ANKRD12: variants seen among roughly 807,000 people sequenced by gnomAD.
The protein encoded by ANKRD12 is ankyrin repeat domain 12.
In ANKRD12, 85 loss-of-function variants were observed where a neutral mutation model predicts 183.4. That is an observed-to-expected ratio of 0.46 (90% CI 0.39 to 0.56). The LOEUF (loss-of-function observed/expected upper bound fraction) is 0.56, where lower values mean the gene tolerates loss of function less well. Ranked by LOEUF, ANKRD12 falls within the 20% of genes least tolerant of loss-of-function variation. The pLI is 0.00. For synonymous variants in ANKRD12, 914 were observed against 800.2 expected (o/e 1.14, Z -2.40); for missense variants, 2,405 against 2,357.1 (o/e 1.02, Z -0.42).
chr18:9,203,641 G>C (rs2035311124), intron 3 of ANKRD12, among the ~76,000 whole-genome samples: 1 of 151,984 alleles, frequency 6.6e-6, no homozygotes. Context: ...GTCTCACTCT[G>C]TCACCCAGGC....
chr18:9,237,938 C>T (rs1232569582), intron 8 of ANKRD12, among the ~76,000 whole-genome samples: 1 of 152,098 alleles, frequency 6.6e-6, no homozygotes, highest in Non-Finnish European at 1.5e-5. Context: ...ATCATTTATG[C>T]CCTTCCCTTC....
Position 9,254,225 on chromosome 18 carries a change from C to T in ANKRD12, c.958C>T (p.Gln320Ter). ...DESYTDSEEA[Q>*]SVNPSSVDEN... ...TTTTATTCTAGATTCCGAAGAGGCTCAATCTGTAAATCCTTCTAGTGTTGA... is the reference window on the plus strand; with the variant it reads ...TTTTATTCTAGATTCCGAAGAGGCTTAATCTGTAAATCCTTCTAGTGTTGA... The change falls in exon 9 of 13, where the codon CAA (glutamine) becomes TAA (stop). Residue 320 changes from glutamine (Q) to a stop codon, truncating the protein, a stop_gained. Coordinates refer to ENST00000262126, the MANE Select transcript of ANKRD12 (RefSeq NM_015208.5). LOFTEE classifies it high-confidence loss of function. 1.9e-6 allele frequency: 3 copies of T among 1,557,856 alleles called. No individual in the cohort carries two copies. Among genetic ancestry groups the T allele is most frequent in the Non-Finnish European group, 2.6e-6 (3 of 1,156,118 alleles).
chr18:9,266,672 G>A (rs575606614), intron 10 of ANKRD12, among the ~76,000 whole-genome samples: 118 of 152,288 alleles, frequency 7.7e-4, no homozygotes, highest in African/African-American at 1.9e-3. Flanking sequence ...ATGCCAAATT[G>A]TAAAGACCAT....
Position 9,254,481 on chromosome 18 carries a change from C to T in ANKRD12, c.1214C>T (p.Ala405Val). ...CATTTATTTGCAAAACAGGAGAAAGCCTTCTATCCTAAATCATTTAAAAGT... is the reference window on the plus strand; with the variant it reads ...CATTTATTTGCAAAACAGGAGAAAGTCTTCTATCCTAAATCATTTAAAAGT... ...KTHLFAKQEK[A>V]FYPKSFKSKK... Residue 405 changes from alanine (A) to valine (V), a missense_variant, in exon 9 of 13, where the codon GCC (alanine) becomes GTC (valine). Ala to Val is a moderately conservative substitution (Grantham distance 64). This residue lies in a region of ANKRD12 where 1,983 missense variants were observed against 1,725.9 expected (regional missense o/e 1.15). Coordinates refer to ENST00000262126, the MANE Select transcript of ANKRD12 (RefSeq NM_015208.5). 1 of 1,557,412 alleles carries T rather than the reference C, an allele frequency of 6.4e-7. No individual in the cohort carries two copies. Among genetic ancestry groups the T allele is most frequent in the Non-Finnish European group, 8.6e-7 (1 of 1,158,464 alleles).
intron 8 of ANKRD12, among the ~76,000 whole-genome samples, chr18:9,237,757 A>G (rs1277367208): frequency 1.3e-5 from 2 of 152,208 alleles, no homozygotes; most frequent in African/African-American, 4.8e-5. Context: ...GGAAGGATGT[A>G]TACCAGGCCA....
intron 1 of ANKRD12, among the ~76,000 whole-genome samples, chr18:9,154,532 G>C (rs2030094830): frequency 6.6e-6 from 1 of 152,162 alleles, no homozygotes; most frequent in African/African-American, 2.4e-5. Flanking sequence ...AGGCCAGCCT[G>C]GGCAACATAG....
At chr18:9,244,298 A>G (rs2145039506) in intron 8 of ANKRD12, among the ~76,000 whole-genome samples, 1 of 152,326 alleles carries the variant, frequency 6.6e-6, no homozygotes, top group Admixed American at 6.5e-5. Flanking sequence ...CTGGAAAATT[A>G]TTCAAATATA....
At chr18:9,146,361 C>T (rs1017543805) in intron 1 of ANKRD12, among the ~76,000 whole-genome samples, 1 of 152,004 alleles carries the variant, frequency 6.6e-6, no homozygotes, top group Admixed American at 6.6e-5. Context: ...TGAGCCCAGC[C>T]TGGGCCAAAA....
At chr18:9,196,132 CACACACACACA>C (rs2034787886) in intron 3 of ANKRD12, among the ~76,000 whole-genome samples, 1 of 150,796 alleles carries the variant, frequency 6.6e-6, no homozygotes, top group African/African-American at 2.5e-5. Context: ...CACACACACA[CACACACACACA>C]CACACACATT....
intron 10 of ANKRD12, among the ~76,000 whole-genome samples, chr18:9,264,847 A>C (rs1441499151): frequency 6.6e-6 from 1 of 152,242 alleles, no homozygotes; most frequent in African/African-American, 2.4e-5. Context: ...CTTACAGTTA[A>C]GAATTCTTGA....
At chr18:9,235,814 T>A in intron 8 of ANKRD12, 11 of 390,464 alleles carry the variant, frequency 2.8e-5, no homozygotes, top group South Asian at 1.9e-4. Flanking sequence ...ATAAAAATGA[T>A]TTAAAAGGCT....
intron 4 of ANKRD12, among the ~76,000 whole-genome samples, chr18:9,208,087 G>A (rs1055089377): frequency 3.9e-5 from 6 of 152,076 alleles, no homozygotes; most frequent in African/African-American, 1.4e-4. Context: ...TTTAATTTGC[G>A]CATTCTTGGC....
At chr18:9,197,544 C>G (rs1411107772) in intron 3 of ANKRD12, among the ~76,000 whole-genome samples, 1 of 147,194 alleles carries the variant, frequency 6.8e-6, no homozygotes, top group Non-Finnish European at 1.5e-5. Flanking sequence ...CAAAGCCTTA[C>G]CAATAACATA....
intron 1 of ANKRD12, among the ~76,000 whole-genome samples, chr18:9,177,326 C>T: frequency 6.6e-6 from 1 of 152,232 alleles, no homozygotes; most frequent in East Asian, 1.9e-4. Context: ...CGTCCCCTCT[C>T]TCCCTCCAGC....
At position 9,182,539 on chromosome 18, in the gene ANKRD12, AT is replaced by A. The variant is rs1284979675; in HGVS notation, c.87+23del. ...AGAAAGGTATATGATTATACTAAAGATTTGTTGACTTTTTGAACTGGGAAAA... is the reference window on the plus strand; with the variant it reads ...AGAAAGGTATATGATTATACTAAAGATTGTTGACTTTTTGAACTGGGAAAA... On this transcript the variant is annotated intron_variant, in intron 2 of 12. Coordinates refer to ENST00000262126, the MANE Select transcript of ANKRD12 (RefSeq NM_015208.5). The A allele has an allele frequency of 6.7e-7, 1 of 1,485,214 alleles. No individual in the cohort carries two copies. Among genetic ancestry groups the A allele is most frequent in the Admixed American group, 2.1e-5 (1 of 47,844 alleles). 92.0% of individuals were successfully genotyped at this position (1,485,214 alleles called of 1,614,324 possible).
chr18:9,278,772 A>G (rs2039972442), intron 11 of ANKRD12, among the ~76,000 whole-genome samples: 1 of 151,768 alleles, frequency 6.6e-6, no homozygotes, highest in Non-Finnish European at 1.5e-5. Flanking sequence ...TAACAGAGAG[A>G]GACTCCATCT....
chr18:9,149,451 G>A (rs1355081916), intron 1 of ANKRD12, among the ~76,000 whole-genome samples: 1 of 152,170 alleles, frequency 6.6e-6, no homozygotes, highest in African/African-American at 2.4e-5. Context: ...TAAGGAAAGC[G>A]ATGGTTGGGG....
intron 1 of ANKRD12, among the ~76,000 whole-genome samples, chr18:9,159,313 A>G (rs1448825571): frequency 2.0e-5 from 3 of 152,214 alleles, no homozygotes; most frequent in South Asian, 2.1e-4. Context: ...GTTTATATTC[A>G]TATTTCCAGC....
chr18:9,193,296 G>A (rs942506438), intron 2 of ANKRD12, among the ~76,000 whole-genome samples: 1 of 151,828 alleles, frequency 6.6e-6, no homozygotes, highest in Non-Finnish European at 1.5e-5. Context: ...ATGCCACCAT[G>A]CCTGGCTAAT....
Sources: gnomAD v4.1 joint callset for allele counts (sites outside exome capture counted in the v4.1 genomes callset) on GRCh38, gnomAD v4.1.1 for gene constraint, gnomAD v4.1.1 regional missense constraint, MANE v1.5 for transcripts, NCBI Gene and HGNC (gene_info 2026-07-23, HGNC 2026-07-21) for gene names.